Variants in DGKB observed in about 807,000 individuals in gnomAD.
DGKB encodes the protein diacylglycerol kinase beta.
In DGKB, 67 loss-of-function variants were observed where a neutral mutation model predicts 114.3. The ratio of observed to expected loss-of-function variants is 0.59; its 90% CI spans 0.48 to 0.72. DGKB has a LOEUF of 0.72. Ranked by LOEUF, DGKB falls within the 30% of genes least tolerant of loss-of-function variation. DGKB has a pLI of 0.00. For synonymous variants in DGKB, 398 were observed against 323.1 expected, an observed-to-expected ratio of 1.23 and a Z score of -2.49; for missense variants, 907 against 975.2, an observed-to-expected ratio of 0.93 and a Z score of 0.93.
chr7:14,393,867 C>A (rs940642760), intron 21 of DGKB, among the ~76,000 whole-genome samples: 1 of 151,990 alleles, frequency 6.6e-6, no homozygotes, highest in African/African-American at 2.4e-5. Flanking sequence ...TTACATATAA[C>A]ATGAAGATTG....
intron 15 of DGKB, among the ~76,000 whole-genome samples, chr7:14,613,943 T>C (rs1234210744): frequency 6.6e-6 from 1 of 152,190 alleles, no homozygotes; most frequent in Non-Finnish European, 1.5e-5. Flanking sequence ...AGTCCTTATC[T>C]ACACAATTTG....
chr7:14,675,330 G>C (rs1819659957), intron 12 of DGKB, among the ~76,000 whole-genome samples: 1 of 152,072 alleles, frequency 6.6e-6, no homozygotes, highest in Non-Finnish European at 1.5e-5. Context: ...ATTTGCAACT[G>C]ACATGGTAAA....
At chr7:14,358,497 A>T (rs1034131581) in intron 21 of DGKB, among the ~76,000 whole-genome samples, 1 of 152,116 alleles carries the variant, frequency 6.6e-6, no homozygotes, top group Admixed American at 6.6e-5. Context: ...TCAATAAGGA[A>T]AATAAGAAGT....
At chr7:14,400,982 A>G (rs1248885350) in intron 21 of DGKB, among the ~76,000 whole-genome samples, 1 of 151,780 alleles carries the variant, frequency 6.6e-6, no homozygotes, top group African/African-American at 2.4e-5. Context: ...CCTGTACTAG[A>G]TATGTTGTCT....
chr7:14,547,389 A>G (rs1452806861), intron 20 of DGKB, among the ~76,000 whole-genome samples: 2 of 152,210 alleles, frequency 1.3e-5, no homozygotes, highest in Non-Finnish European at 2.9e-5. Flanking sequence ...AAAATGTATG[A>G]CAATTATATT....
At chr7:14,689,884 C>T (rs376122663) in intron 9 of DGKB, among the ~76,000 whole-genome samples, 1 of 152,172 alleles carries the variant, frequency 6.6e-6, no homozygotes, top group African/African-American at 2.4e-5. Context: ...TATTACTTTA[C>T]TGAGAGTCAA....
intron 1 of DGKB, among the ~76,000 whole-genome samples, chr7:14,901,235 T>G (rs562111526): frequency 6.6e-6 from 1 of 152,258 alleles, no homozygotes; most frequent in African/African-American, 2.4e-5. Flanking sequence ...CCAATGACAT[T>G]CTTGACGTGT....
intron 1 of DGKB, among the ~76,000 whole-genome samples, chr7:14,919,600 C>G (rs1587381617): frequency 1.3e-5 from 2 of 152,106 alleles, no homozygotes; most frequent in Admixed American, 6.5e-5. Flanking sequence ...TGAAAGCAAC[C>G]AAGGTGTTTT....
rs1554265921 is a variant in DGKB, at chr7:14,769,228, G to GAGAGAGAAAGAA, written c.71-11498_71-11497insTTCTTTCTCTCT. Among the ~76,000 whole-genome samples, 35 of 119,688 alleles carry GAGAGAGAAAGAA rather than the reference G, an allele frequency of 2.9e-4. No homozygotes were observed. In the South Asian group the frequency reaches 6.5e-3, roughly 22 times the overall value. The allele number at this position is 119,688 out of a possible 152,430, so 78.5% of individuals were successfully genotyped here. On this transcript the variant is annotated intron_variant, in intron 2 of 25. Transcript: ENST00000402815. ...GAAAGGAAAGAAAGAGAAAGAGAGA[G>GAGAGAGAAAGAA]AGAAAGAAAGAAAGAAAGAAAGAAA...
chr7:14,268,085 G>A (rs1171373781), intron 23 of DGKB, among the ~76,000 whole-genome samples: 2 of 152,064 alleles, frequency 1.3e-5, no homozygotes, highest in Non-Finnish European at 2.9e-5. Context: ...TCGTTTTGGA[G>A]ATGAGTCAAG....
At chr7:14,766,138 A>T (rs1836418682) in intron 2 of DGKB, among the ~76,000 whole-genome samples, 1 of 152,020 alleles carries the variant, frequency 6.6e-6, no homozygotes, top group African/African-American at 2.4e-5. Context: ...CTTCTTAATC[A>T]TTCTTTCAAA....
chr7:14,885,892 A>G (rs1022176680), intron 1 of DGKB, among the ~76,000 whole-genome samples: 4 of 151,918 alleles, frequency 2.6e-5, no homozygotes, highest in African/African-American at 9.7e-5. Flanking sequence ...CTAAATCTAC[A>G]GAATTTTTTT....
chr7:14,223,586 T>C (rs1307929690), intron 23 of DGKB, among the ~76,000 whole-genome samples: 3 of 151,830 alleles, frequency 2.0e-5, no homozygotes, highest in Non-Finnish European at 2.9e-5. Flanking sequence ...TCAATAACTA[T>C]ATCAGTGCCT....
At chr7:14,171,489 A>T (rs756028816) in intron 25 of DGKB, among the ~76,000 whole-genome samples, 4 of 152,208 alleles carry the variant, frequency 2.6e-5, no homozygotes, top group Non-Finnish European at 4.4e-5. Context: ...TAATTAACAG[A>T]ATGCAGCTTT....
chr7:14,885,224 CA>C (rs1468086516), intron 1 of DGKB, among the ~76,000 whole-genome samples: 1 of 151,906 alleles, frequency 6.6e-6, no homozygotes, highest in African/African-American at 2.4e-5. Context: ...GCTAACACTG[CA>C]ATCACTTATT....
intron 1 of DGKB, among the ~76,000 whole-genome samples, chr7:14,969,554 T>G (rs1007426265): frequency 6.6e-6 from 1 of 152,124 alleles, no homozygotes; most frequent in Non-Finnish European, 1.5e-5. Context: ...AGTTCCACCT[T>G]CTGTCAGATC....
In DGKB at chr7:14,165,414, A is replaced by T. The variant is rs543397577; in HGVS notation, c.2304+11425T>A. On this transcript the variant is annotated intron_variant, in intron 25 of 25. Coordinates refer to ENST00000402815, the MANE Select transcript of DGKB (RefSeq NM_001350709.2). ...TAATTTACATAGGAGGTAAAAGGAG[A>T]TCCACCTATCACAAAAAAATGCGAA... Among the ~76,000 whole-genome samples, 3 of 152,258 alleles carry T rather than the reference A, an allele frequency of 2.0e-5. No homozygotes were observed. The East Asian group carries it at 5.8e-4, about 29-fold the overall frequency.
intron 23 of DGKB, among the ~76,000 whole-genome samples, chr7:14,200,110 C>T (rs188531994): frequency 1.3e-5 from 2 of 151,940 alleles, no homozygotes; most frequent in Admixed American, 6.6e-5. Context: ...AAATTGAGCA[C>T]AAGGATTCAC....
At chr7:14,415,534 T>C (rs71538875) in intron 21 of DGKB, among the ~76,000 whole-genome samples, 38,541 of 149,674 alleles carry the variant, frequency 0.26, 5,165 homozygotes, top group East Asian at 0.46. Context: ...GGTTTTTTGT[T>C]CTTGCGATAG....
Sources: gnomAD v4.1 joint callset for allele counts (sites outside exome capture counted in the v4.1 genomes callset) on GRCh38, gnomAD v4.1.1 for gene constraint, MANE v1.5 for transcripts, NCBI Gene and HGNC (gene_info 2026-07-23, HGNC 2026-07-21) for gene names.